The following CSMD3 variants were observed in gnomAD, a reference collection of about 807,000 sequenced individuals.
The protein encoded by CSMD3 is CUB and sushi domain-containing protein 3.
CSMD3 carries 177 observed loss-of-function variants against 435.2 expected under a neutral mutation model. The observed-to-expected ratio is 0.41, with a 90% confidence interval of 0.36 to 0.46. CSMD3 has a LOEUF of 0.46. Among genes scored for constraint, CSMD3 ranks in the 20% least tolerant of loss-of-function variants. The probability of loss-of-function intolerance (pLI) is 0.34; values close to 1 mark genes in which losing one functional copy is unlikely to be tolerated. For synonymous variants in CSMD3, 1,656 were observed against 1,520.5 expected, an observed-to-expected ratio of 1.09 and a Z score of -2.07; for missense variants, 4,265 against 4,504.6, an observed-to-expected ratio of 0.95 and a Z score of 1.52.
At chr8:112,630,965 CA>C (rs2074498491) in intron 22 of CSMD3, among the ~76,000 whole-genome samples, 1 of 150,190 alleles carries the variant, frequency 6.7e-6, no homozygotes, top group Non-Finnish European at 1.5e-5. Flanking sequence ...CACACACACA[CA>C]CACACACACA....
intron 4 of CSMD3, among the ~76,000 whole-genome samples, chr8:113,133,571 A>C (rs1403030391): frequency 6.6e-6 from 1 of 152,126 alleles, no homozygotes; most frequent in Non-Finnish European, 1.5e-5. Context: ...CAGCAATCCC[A>C]CTTGTGGGTT....
At chr8:113,197,943 GTAAC>G (rs1336078226) in intron 3 of CSMD3, among the ~76,000 whole-genome samples, 3 of 151,304 alleles carry the variant, frequency 2.0e-5, no homozygotes, top group Non-Finnish European at 3.0e-5. Context: ...CTGGTGTCAT[GTAAC>G]TAACTATATT....
At chr8:112,993,312 C>T (rs955826347) in intron 6 of CSMD3, among the ~76,000 whole-genome samples, 1 of 151,728 alleles carries the variant, frequency 6.6e-6, no homozygotes, top group African/African-American at 2.4e-5. Flanking sequence ...TTCTATGACC[C>T]TTTAAGCTGG....
chr8:112,989,327 C>T (rs1038928162), intron 6 of CSMD3, among the ~76,000 whole-genome samples: 3 of 151,956 alleles, frequency 2.0e-5, no homozygotes, highest in Admixed American at 6.6e-5. Flanking sequence ...CCAGTTATCA[C>T]TTGGGCATTT....
chr8:112,376,149 T>C (rs1828919442), intron 38 of CSMD3, among the ~76,000 whole-genome samples: 3 of 152,162 alleles, frequency 2.0e-5, no homozygotes, highest in Non-Finnish European at 4.4e-5. Context: ...TTTATTGCTT[T>C]TGGGTGATCT....
chr8:113,428,242 A>G (rs536515713), intron 1 of CSMD3, among the ~76,000 whole-genome samples: 2 of 150,504 alleles, frequency 1.3e-5, no homozygotes, highest in Admixed American at 1.3e-4. Flanking sequence ...CTATCTATCT[A>G]TCTATCTATC....
At chr8:112,884,602 A>G (rs956874065) in intron 10 of CSMD3, among the ~76,000 whole-genome samples, 21 of 151,562 alleles carry the variant, frequency 1.4e-4, no homozygotes, top group African/African-American at 5.1e-4. Flanking sequence ...TTGTTCCCAG[A>G]CATTGCCAAA....
chr8:112,902,050 T>A (rs886479140), intron 10 of CSMD3, among the ~76,000 whole-genome samples: 1 of 151,320 alleles, frequency 6.6e-6, no homozygotes, highest in Admixed American at 6.6e-5. Flanking sequence ...AGTGAGAAGA[T>A]CATCCAGTAG....
chr8:112,416,695 T>C (rs1428926891), intron 32 of CSMD3, among the ~76,000 whole-genome samples: 2 of 151,862 alleles, frequency 1.3e-5, no homozygotes, highest in African/African-American at 4.8e-5. Context: ...ATTGGAGTTA[T>C]TGAATTAAAA....
chr8:112,552,941 C>G (rs1260070331), intron 25 of CSMD3, among the ~76,000 whole-genome samples: 3 of 151,976 alleles, frequency 2.0e-5, no homozygotes, highest in Non-Finnish European at 4.4e-5. Flanking sequence ...AAACTGAAAC[C>G]TACTTAAAGA....
chr8:113,374,548 A>G (rs1238717945), intron 1 of CSMD3, among the ~76,000 whole-genome samples: 2 of 152,090 alleles, frequency 1.3e-5, no homozygotes, highest in Non-Finnish European at 2.9e-5. Flanking sequence ...AATGTGAATA[A>G]ACACATTAAA....
At chr8:112,247,394 A>C (rs955472011) in intron 63 of CSMD3, among the ~76,000 whole-genome samples, 3 of 152,184 alleles carry the variant, frequency 2.0e-5, no homozygotes, top group African/African-American at 7.2e-5. Flanking sequence ...TGCCATGGGA[A>C]TTTGAAGAAA....
chr8:113,278,626 T>C lies in CSMD3; in HGVS notation c.480A>G (p.Ala160=), dbSNP rs778331024. ...ATACCTTAAATCCATGAGCACTAAC[T>C]GCAAAATCACTGGTCAAACGTAGTG... The part of the protein sequence containing the change: ...VFSLRLTSDF[A]VSAHGFKVYY... Residue 160 remains alanine (A), a synonymous_variant, in exon 3 of 71, where the codon GCA becomes GCG. Coordinates refer to ENST00000297405, the MANE Select transcript of CSMD3 (RefSeq NM_198123.2). 4 of 1,594,876 alleles carry C rather than the reference T, an allele frequency of 2.5e-6. No homozygotes were observed. Among genetic ancestry groups the C allele is most frequent in the Non-Finnish European group, 3.4e-6 (4 of 1,162,830 alleles).
At chr8:112,311,776 C>A (rs1821997096) in intron 49 of CSMD3, among the ~76,000 whole-genome samples, 1 of 152,144 alleles carries the variant, frequency 6.6e-6, no homozygotes, top group Non-Finnish European at 1.5e-5. Flanking sequence ...CAGATACTGT[C>A]AAATAGCTTT....
intron 38 of CSMD3, among the ~76,000 whole-genome samples, chr8:112,360,889 T>C (rs1193496527): frequency 6.6e-6 from 1 of 151,966 alleles, no homozygotes; most frequent in Non-Finnish European, 1.5e-5. Flanking sequence ...TTCTTTTTCA[T>C]GTGCAGTAAA....
At position 112,318,964 on chromosome 8, in the gene CSMD3, G is replaced by C. The variant is rs1336989067; in HGVS notation, c.7247-14C>G. ...TAATAATATCACCTATTAAACAAAA[G>C]AGGGGAGGTTTCATATAAGCAACAA... On this transcript the variant is annotated splice_polypyrimidine_tract_variant and intron_variant, in intron 46 of 70. Coordinates refer to ENST00000297405, the MANE Select transcript of CSMD3 (RefSeq NM_198123.2). 3 of 1,458,268 alleles carry C rather than the reference G, an allele frequency of 2.1e-6. No homozygotes were observed. The highest frequency in any genetic ancestry group is 2.9e-6 in the Non-Finnish European group (3 of 1,040,908). 90.3% of individuals were successfully genotyped at this position (1,458,268 alleles called of 1,614,324 possible).
intron 5 of CSMD3, among the ~76,000 whole-genome samples, chr8:113,033,405 G>A (rs1305912901): frequency 6.6e-6 from 1 of 151,620 alleles, no homozygotes; most frequent in Non-Finnish European, 1.5e-5. Context: ...TACAGTCAAA[G>A]GAGATGATTT....
intron 1 of CSMD3, among the ~76,000 whole-genome samples, chr8:113,386,540 T>C (rs1323614280): frequency 6.6e-6 from 1 of 151,884 alleles, no homozygotes; most frequent in Non-Finnish European, 1.5e-5. Flanking sequence ...GCATATTCTG[T>C]TAGAATTGAT....
intron 58 of CSMD3, among the ~76,000 whole-genome samples, chr8:112,286,795 A>C (rs1325579737): frequency 2.6e-5 from 4 of 152,134 alleles, no homozygotes; most frequent in Non-Finnish European, 5.9e-5. Flanking sequence ...AAATATTTTT[A>C]ACAAATATAT....
Sources: allele counts gnomAD v4.1 joint callset (sites outside exome capture counted in the v4.1 genomes callset), GRCh38; gene constraint gnomAD v4.1.1; transcripts MANE v1.5; gene names NCBI Gene and HGNC (gene_info 2026-07-23, HGNC 2026-07-21).